Variants in SLC4A10 observed in about 807,000 individuals in gnomAD.
The protein encoded by SLC4A10 is solute carrier family 4 member 10.
Under a neutral mutation model 137.7 loss-of-function variants are expected in SLC4A10, and 42 were observed. The observed-to-expected ratio is 0.30, with a 90% CI of 0.24 to 0.39. The LOEUF is 0.39. SLC4A10 is among the 10% of genes least tolerant of loss of function. SLC4A10 has a pLI of 1.00. For missense variants in SLC4A10, 925 were observed against 1,355.0 expected (o/e 0.68, Z 4.98); for synonymous variants, 474 against 464.1 (o/e 1.02, Z -0.27).
intron 1 of SLC4A10, among the ~76,000 whole-genome samples, chr2:161,732,203 A>ACC (rs1455501931): frequency 6.6e-6 from 1 of 152,152 alleles, no homozygotes; most frequent in Non-Finnish European, 1.5e-5. Context: ...TTGGTGATCA[A>ACC]CTTAACCTTT....
In SLC4A10 at chr2:161,904,133, C is replaced by T. The variant is rs1241749836; in HGVS notation, c.1572C>T (p.Val524=). 6.2e-7 allele frequency: 1 copy of T among 1,611,716 alleles called. No individual in the cohort carries two copies. The highest frequency in any genetic ancestry group is 8.5e-7 in the Non-Finnish European group (1 of 1,178,900). Residue 524 remains valine (V), a synonymous_variant, in exon 13 of 27, where the codon GTC becomes GTT. Coordinates refer to ENST00000446997, the MANE Select transcript of SLC4A10 (RefSeq NM_001178015.2). ...LFLYCACMSP[V]ITFGGLLGEA... is the part of the protein sequence containing the mutation. ...TCTACTGCGCGTGTATGTCTCCTGT[C>T]ATCACGTTTGGAGGACTGCTGGGAG...
At chr2:161,718,414 G>T (rs916005397) in intron 1 of SLC4A10, among the ~76,000 whole-genome samples, 1 of 151,944 alleles carries the variant, frequency 6.6e-6, no homozygotes, top group East Asian at 1.9e-4. Context: ...TTGAGATATT[G>T]CTAGCATTTT....
At chr2:161,669,395 A>G (rs2039443105) in intron 1 of SLC4A10, among the ~76,000 whole-genome samples, 1 of 151,808 alleles carries the variant, frequency 6.6e-6, no homozygotes, top group South Asian at 2.1e-4. Flanking sequence ...AGACGTACAT[A>G]TAACACACAG....
intron 11 of SLC4A10, among the ~76,000 whole-genome samples, chr2:161,900,661 A>G (rs1682890929): frequency 6.6e-6 from 1 of 152,090 alleles, no homozygotes; most frequent in Admixed American, 6.6e-5. Flanking sequence ...ATAAGTGCCC[A>G]TCACCTCATT....
chr2:161,725,082 G>A (rs116027826), intron 1 of SLC4A10, among the ~76,000 whole-genome samples: 3,562 of 152,262 alleles, frequency 0.023, 66 homozygotes, highest in Non-Finnish European at 0.035. Context: ...AGAATGAAAT[G>A]TTCATGAGCA....
intron 15 of SLC4A10, among the ~76,000 whole-genome samples, chr2:161,925,241 T>C (rs1020328418): frequency 7.2e-5 from 11 of 152,200 alleles, no homozygotes; most frequent in Non-Finnish European, 1.0e-4. Context: ...TATTGGTCTA[T>C]TCAGAGATTC....
intron 1 of SLC4A10, among the ~76,000 whole-genome samples, chr2:161,714,405 G>A (rs2044624862): frequency 6.6e-6 from 1 of 151,786 alleles, no homozygotes; most frequent in African/African-American, 2.4e-5. Flanking sequence ...GGCATTTAGA[G>A]GAAAAGGACC....
At chr2:161,640,775 C>G (rs1558924173) in intron 1 of SLC4A10, among the ~76,000 whole-genome samples, 1 of 152,090 alleles carries the variant, frequency 6.6e-6, no homozygotes, top group Non-Finnish European at 1.5e-5. Context: ...AAGCTATCCT[C>G]CTACCTCAGC....
At chr2:161,806,658 G>A (rs189941805) in intron 3 of SLC4A10, among the ~76,000 whole-genome samples, 41 of 152,116 alleles carry the variant, frequency 2.7e-4, no homozygotes, top group African/African-American at 5.5e-4. Flanking sequence ...TTCCCAACAC[G>A]TTCTTCATCT....
At chr2:161,665,413 C>A (rs1335887786) in intron 1 of SLC4A10, among the ~76,000 whole-genome samples, 1 of 151,530 alleles carries the variant, frequency 6.6e-6, no homozygotes, top group South Asian at 2.1e-4. Flanking sequence ...CACTTTTGTC[C>A]CAATGTTGGT....
intron 1 of SLC4A10, among the ~76,000 whole-genome samples, chr2:161,767,343 C>T (rs2051020005): frequency 6.6e-6 from 1 of 150,454 alleles, no homozygotes. Flanking sequence ...ATACTTCAGA[C>T]ACCTGACTAT....
intron 1 of SLC4A10, among the ~76,000 whole-genome samples, chr2:161,631,181 C>A (rs2033482603): frequency 6.6e-6 from 1 of 151,524 alleles, no homozygotes; most frequent in South Asian, 2.1e-4. Context: ...TACAGAGTTT[C>A]TTTTTGCAGT....
chr2:161,896,490 A>G (rs540916448), intron 11 of SLC4A10, among the ~76,000 whole-genome samples: 20 of 152,234 alleles, frequency 1.3e-4, no homozygotes, highest in African/African-American at 3.4e-4. Flanking sequence ...CATTGAATCT[A>G]TAAATTACCT....
chr2:161,963,138 A>T (rs1342218762), intron 21 of SLC4A10, among the ~76,000 whole-genome samples: 1 of 152,124 alleles, frequency 6.6e-6, no homozygotes, highest in African/African-American at 2.4e-5. Context: ...TAAAACTATC[A>T]TGCAGTATGA....
At chr2:161,690,014 A>G (rs1034858047) in intron 1 of SLC4A10, among the ~76,000 whole-genome samples, 16 of 152,216 alleles carry the variant, frequency 1.1e-4, no homozygotes. Context: ...TAAAAGTTTC[A>G]CTGACAGAAT....
intron 10 of SLC4A10, among the ~76,000 whole-genome samples, chr2:161,889,672 T>C (rs2062708014): frequency 6.6e-6 from 1 of 152,180 alleles, no homozygotes; most frequent in Non-Finnish European, 1.5e-5. Context: ...TTTTTCTCTC[T>C]TTTCTTCTTT....
chr2:161,971,474 C>T (rs1020525601), intron 23 of SLC4A10, among the ~76,000 whole-genome samples: 1 of 152,184 alleles, frequency 6.6e-6, no homozygotes, highest in Non-Finnish European at 1.5e-5. Flanking sequence ...TTGTAGAACC[C>T]AGCATGCTTT....
In SLC4A10 at chr2:161,839,827, G is replaced by A. The variant is rs756835311; in HGVS notation, c.316G>A (p.Glu106Lys). The A allele has an allele frequency of 3.7e-6, 6 of 1,613,738 alleles. No individual in the cohort carries two copies. The highest frequency in any genetic ancestry group is 5.1e-6 in the Non-Finnish European group (6 of 1,179,848). The part of the protein sequence containing the change: ...SQRVQFILGT[E>K]DDDEEHIPHD... ...GAGGGTACAGTTTATTCTTGGAACC[G>A]AGGATGATGACGAGGAACACATTCC... Residue 106 changes from glutamate to lysine, a missense_variant, in exon 4 of 27, where the codon GAG becomes AAG. By Grantham distance (56) the Glu-to-Lys change is moderately conservative. Coordinates refer to ENST00000446997, the MANE Select transcript of SLC4A10 (RefSeq NM_001178015.2).
At chr2:161,845,536 ACTCCATT>A (rs2059437842) in intron 4 of SLC4A10, among the ~76,000 whole-genome samples, 1 of 152,054 alleles carries the variant, frequency 6.6e-6, no homozygotes, top group Non-Finnish European at 1.5e-5. Context: ...TCTGAAAAGA[ACTCCATT>A]CTTTTCTCAG....
Sources: allele counts gnomAD v4.1 joint callset (sites outside exome capture counted in the v4.1 genomes callset), GRCh38; gene constraint gnomAD v4.1.1; transcripts MANE v1.5; gene names NCBI Gene and HGNC (gene_info 2026-07-23, HGNC 2026-07-21).